The following CDH2 variants were observed in gnomAD, a reference collection of about 807,000 sequenced individuals.
CDH2 encodes cadherin-2.
CDH2 carries 17 observed loss-of-function variants against 92.0 expected under a neutral mutation model. The ratio of observed to expected loss-of-function variants is 0.18; its 90% CI spans 0.13 to 0.28. The LOEUF (loss-of-function observed/expected upper bound fraction) is 0.28, where lower values mean the gene tolerates loss of function less well. Among genes scored for constraint, CDH2 ranks in the 10% least tolerant of loss-of-function variants. The pLI is 1.00. For synonymous variants in CDH2, 419 were observed against 415.9 expected (o/e 1.01, Z -0.09); for missense variants, 862 against 1,133.1 (o/e 0.76, Z 3.44).
intron 1 of CDH2, 49 bp downstream of exon 1, chr18:28,176,914 C>T: frequency 8.9e-7 from 1 of 1,126,038 alleles, no homozygotes; most frequent in South Asian, 3.6e-5. Context: ...GACCCGGCGC[C>T]GCCCGCCCCA....
intron 2 of CDH2, among the ~76,000 whole-genome samples, chr18:28,121,172 G>T (rs544700015): frequency 6.6e-6 from 1 of 152,238 alleles, no homozygotes; most frequent in South Asian, 2.1e-4. Flanking sequence ...TTACCCAGGG[G>T]TTTAGGGTCA....
downstream of CDH2, among the ~76,000 whole-genome samples, chr18:27,949,042 G>C (rs1048743581): frequency 6.6e-6 from 1 of 151,842 alleles, no homozygotes; most frequent in Non-Finnish European, 1.5e-5. Context: ...GTTGATAAAT[G>C]TATAGTTTTC....
Position 28,009,806 on chromosome 18 carries a change from G to A in CDH2, c.613C>T (p.Pro205Ser), listed in dbSNP as rs566720668. The A allele has an allele frequency of 2.5e-6, 4 of 1,613,702 alleles. No homozygotes were observed. The African/African-American group carries it at 4.0e-5, about 16-fold the overall frequency. ...YSVTGPGADQ[P>S]PTGIFIINPI... is the part of the protein sequence containing the mutation. ...TTGATAATGAAGATACCAGTTGGAG[G>A]CTGGTCAGCTCCTGGCCCAGTTACA... The change falls in exon 5 of 16, where the codon CCT becomes TCT. Residue 205 changes from proline (P) to serine (S), a missense_variant. Physicochemically the swap from Pro to Ser is moderately conservative, Grantham distance 74. Transcript: ENST00000269141.
chr18:28,135,984 T>C (rs1318704482), intron 2 of CDH2, among the ~76,000 whole-genome samples: 1 of 152,192 alleles, frequency 6.6e-6, no homozygotes, highest in Non-Finnish European at 1.5e-5. Flanking sequence ...ACACAAAACA[T>C]AAAACAAGTA....
At chr18:28,039,947 C>T (rs2013916549) in intron 2 of CDH2, among the ~76,000 whole-genome samples, 1 of 152,152 alleles carries the variant, frequency 6.6e-6, no homozygotes, top group Non-Finnish European at 1.5e-5. Context: ...ACAATGCATG[C>T]TTTAATATTG....
chr18:27,943,573 G>A (rs914480544), intron 6 of CDH2, among the ~76,000 whole-genome samples: 1 of 152,136 alleles, frequency 6.6e-6, no homozygotes, highest in African/African-American at 2.4e-5. Context: ...GTTAAAATGT[G>A]GGAAGTAATG....
chr18:28,093,971 C>T lies in CDH2; in HGVS notation c.172+53702G>A, dbSNP rs150230195. ...GGTGGTCCTCAAATTCGACTGGACA[C>T]GTCCCATAGCCCACACACCAATGAA... On this transcript the variant is annotated intron_variant, in intron 2 of 15. Coordinates refer to ENST00000269141, the MANE Select transcript of CDH2 (RefSeq NM_001792.5). Among the ~76,000 whole-genome samples the T allele has an allele frequency of 6.5e-4, 99 of 152,272 alleles. 1 individual carries two copies. The East Asian group carries it at 0.017, about 26-fold the overall frequency.
At chr18:28,012,158 A>G (rs1385037020) in intron 3 of CDH2, among the ~76,000 whole-genome samples, 166 bp from the exon 4 acceptor site, 1 of 152,222 alleles carries the variant, frequency 6.6e-6, no homozygotes, top group Non-Finnish European at 1.5e-5. Context: ...ACAGAAAAAT[A>G]CCATAAAATT....
intron 2 of CDH2, among the ~76,000 whole-genome samples, chr18:28,016,075 C>T (rs1356541789): frequency 1.3e-5 from 2 of 152,202 alleles, no homozygotes. Flanking sequence ...GACCATGATG[C>T]CTTTCACAAG....
chr18:28,027,846 GT>G (rs5823577), intron 2 of CDH2, among the ~76,000 whole-genome samples: 61,438 of 143,930 alleles, frequency 0.43, 12,882 homozygotes, highest in Admixed American at 0.52. Context: ...GTTTTGTTTT[GT>G]TTTTTTTTTT....
At chr18:28,170,435 T>G (rs2144369013) in intron 1 of CDH2, among the ~76,000 whole-genome samples, 1 of 152,296 alleles carries the variant, frequency 6.6e-6, no homozygotes, top group Middle Eastern at 3.4e-3. Context: ...AACCTCCGCC[T>G]CCCGGGTTCA....
At chr18:28,147,536 G>A (rs1380142590) in intron 2 of CDH2, 137 bp downstream of exon 2, 1 of 486,248 alleles carries the variant, frequency 2.1e-6, no homozygotes, top group Non-Finnish European at 3.6e-6. Flanking sequence ...CTAAAATAAA[G>A]TCCCTACAGT....
At chr18:28,027,903 C>G (rs2144075668) in intron 2 of CDH2, among the ~76,000 whole-genome samples, 1 of 151,460 alleles carries the variant, frequency 6.6e-6, no homozygotes, top group East Asian at 1.9e-4. Flanking sequence ...ATCACTACCT[C>G]TAATTAAATT....
At chr18:28,125,810 A>G (rs1050077684) in intron 2 of CDH2, among the ~76,000 whole-genome samples, 5 of 152,076 alleles carry the variant, frequency 3.3e-5, no homozygotes, top group Non-Finnish European at 5.9e-5. Context: ...GGTTTCATTT[A>G]CAATCCAGAG....
intron 2 of CDH2, among the ~76,000 whole-genome samples, chr18:28,111,196 T>G (rs1315014533): frequency 6.6e-6 from 1 of 152,178 alleles, no homozygotes; most frequent in South Asian, 2.1e-4. Flanking sequence ...AGAGGAGGAC[T>G]TCTATTATCA....
intron 4 of CDH2, 42 bp downstream of exon 4, chr18:28,011,802 ATT>A: frequency 6.4e-7 from 1 of 1,573,304 alleles, no homozygotes; most frequent in South Asian, 1.1e-5. Context: ...TTTAACATAC[ATT>A]TGTCTTGTGG....
intron 1 of CDH2, among the ~76,000 whole-genome samples, chr18:28,158,117 T>C (rs2016250368): frequency 6.6e-6 from 1 of 152,216 alleles, no homozygotes; most frequent in Non-Finnish European, 1.5e-5. Flanking sequence ...CTGATTTAAT[T>C]TGAGTAGCTG....
At chr18:28,035,024 C>T (rs920701632) in intron 2 of CDH2, among the ~76,000 whole-genome samples, 5 of 152,082 alleles carry the variant, frequency 3.3e-5, no homozygotes, top group East Asian at 3.9e-4. Flanking sequence ...CAACTAAGGA[C>T]GCAATCCATT....
At chr18:27,991,528 G>T (rs1018717118) in intron 9 of CDH2, among the ~76,000 whole-genome samples, 3 of 152,120 alleles carry the variant, frequency 2.0e-5, no homozygotes, top group African/African-American at 7.2e-5. Context: ...ATGCTAAGGG[G>T]TATATGCACA....
Sources: gnomAD v4.1 joint callset for allele counts (sites outside exome capture counted in the v4.1 genomes callset) on GRCh38, gnomAD v4.1.1 for gene constraint, MANE v1.5 for transcripts, NCBI Gene and HGNC (gene_info 2026-07-23, HGNC 2026-07-21) for gene names.